CYTH3: variants seen among roughly 807,000 people sequenced by gnomAD.
CYTH3 encodes the protein cytohesin-3.
Under a neutral mutation model 55.1 loss-of-function variants are expected in CYTH3, and 23 were observed. The observed-to-expected ratio is 0.42, with a 90% confidence interval of 0.30 to 0.59. CYTH3 has a LOEUF of 0.59. CYTH3 is among the 20% of genes least tolerant of loss of function. The pLI, the probability that CYTH3 is intolerant of heterozygous loss-of-function variation, is 0.20. For synonymous variants in CYTH3, 249 were observed against 194.9 expected (o/e 1.28, Z -2.31); for missense variants, 413 against 524.8 (o/e 0.79, Z 2.08).
intron 1 of CYTH3, among the ~76,000 whole-genome samples, chr7:6,246,289 C>T (rs1252642003): frequency 2.6e-5 from 4 of 151,212 alleles, no homozygotes; most frequent in Non-Finnish European, 5.9e-5. Flanking sequence ...AGGCTGGTGG[C>T]GAACTCCTGC....
chr7:6,202,010 A>G (rs1459366339), intron 1 of CYTH3, among the ~76,000 whole-genome samples: 2 of 152,240 alleles, frequency 1.3e-5, no homozygotes, highest in African/African-American at 4.8e-5. Flanking sequence ...ACCATGGTAG[A>G]CAGAAAAACA....
At chr7:6,251,419 T>C (rs1583197650) in intron 1 of CYTH3, among the ~76,000 whole-genome samples, 1 of 151,628 alleles carries the variant, frequency 6.6e-6, no homozygotes, top group South Asian at 2.1e-4. Flanking sequence ...TACAAAAGCG[T>C]TTCTTTCAGT....
chr7:6,190,385 TACTATTTTACTCAAAAGCAAAAAACAGA>T, intron 2 of CYTH3, 36 bp downstream of exon 2: 1 of 1,212,282 alleles, frequency 8.2e-7, no homozygotes, highest in Non-Finnish European at 1.1e-6. Context: ...GCTACTCTTT[TACTATTTTACTCAAAAGCAAAAAACAGA>T]GTTTTGGATT....
At chr7:6,216,756 T>C (rs890235735) in intron 1 of CYTH3, among the ~76,000 whole-genome samples, 2 of 150,870 alleles carry the variant, frequency 1.3e-5, no homozygotes, top group African/African-American at 2.4e-5. Flanking sequence ...AATGTGTGTA[T>C]GTGTATATAC....
intron 6 of CYTH3, chr7:6,172,802 G>C: frequency 7.8e-7 from 1 of 1,281,528 alleles, no homozygotes; most frequent in Non-Finnish European, 1.0e-6. Context: ...GCGGCTGCAG[G>C]ATTCTTATAT....
At chr7:6,217,018 T>C (rs1418375127) in intron 1 of CYTH3, among the ~76,000 whole-genome samples, 2 of 152,092 alleles carry the variant, frequency 1.3e-5, no homozygotes, top group South Asian at 4.1e-4. Flanking sequence ...GTTCAAGTGA[T>C]TCTCCTGCCT....
At chr7:6,172,570 G>A (rs1006908071) in intron 6 of CYTH3, among the ~76,000 whole-genome samples, 13 of 152,244 alleles carry the variant, frequency 8.5e-5, no homozygotes, top group African/African-American at 2.4e-4. Context: ...CTGTATTCCC[G>A]CCCATCCTGT....
Position 6,171,099 on chromosome 7 carries a change from C to A in CYTH3, c.562+103G>T, listed in dbSNP as rs1247220859. ...ACAGGTCGTCCTCGCTCAGGGAAGG[C>A]AGGTCCCCAGGAACACACGCTGGGC... is the stretch of plus-strand genomic sequence containing the variant. On this transcript the variant is annotated intron_variant, in intron 7 of 12. Transcript: ENST00000350796. The surrounding 1 kb of genome is among the most constrained non-coding windows in gnomAD (Gnocchi z 6.7). 7 of 1,581,780 alleles carry A rather than the reference C, an allele frequency of 4.4e-6. No homozygotes were observed. The highest frequency in any genetic ancestry group is 1.3e-5 in the African/African-American group (1 of 74,130).
intron 1 of CYTH3, among the ~76,000 whole-genome samples, chr7:6,227,394 CAT>C (rs1230617242): frequency 6.6e-6 from 1 of 151,538 alleles, no homozygotes; most frequent in Non-Finnish European, 1.5e-5. Flanking sequence ...TAATGAAAAA[CAT>C]ATGTTCATCT....
At chr7:6,250,169 C>T (rs1779925901) in intron 1 of CYTH3, among the ~76,000 whole-genome samples, 1 of 152,094 alleles carries the variant, frequency 6.6e-6, no homozygotes, top group Non-Finnish European at 1.5e-5. Flanking sequence ...GTATGGCTCC[C>T]TTGGGGAATT....
intron 1 of CYTH3, among the ~76,000 whole-genome samples, chr7:6,206,746 C>A (rs1426161648): frequency 6.6e-6 from 1 of 152,136 alleles, no homozygotes; most frequent in African/African-American, 2.4e-5. Context: ...CCAATGCTAA[C>A]TGCCCTAGGA....
At chr7:6,207,949 T>TG (rs1257131371) in intron 1 of CYTH3, among the ~76,000 whole-genome samples, 4 of 134,646 alleles carry the variant, frequency 3.0e-5, no homozygotes, top group East Asian at 2.3e-4. Context: ...GACCCTGTCT[T>TG]GGGGGGGTGG....
At chr7:6,272,410 G>GGGGGGGGGGGGGGGGGGCC in intron 1 of CYTH3, 64 bp downstream of exon 1, 1 of 1,216,618 alleles carries the variant, frequency 8.2e-7, no homozygotes, top group Non-Finnish European at 1.1e-6. Context: ...CCGCGCCCTC[G>GGGGGGGGGGGGGGGGGGCC]ACCCCCAGCC....
intron 4 of CYTH3, among the ~76,000 whole-genome samples, chr7:6,186,436 G>A (rs187876645): frequency 3.8e-4 from 58 of 152,100 alleles, no homozygotes; most frequent in African/African-American, 1.4e-3. Context: ...CCCTTAGCTC[G>A]GTCTCAAAAA....
At chr7:6,260,899 C>G (rs552089263) in intron 1 of CYTH3, among the ~76,000 whole-genome samples, 32 of 152,276 alleles carry the variant, frequency 2.1e-4, no homozygotes, top group African/African-American at 5.8e-4. Flanking sequence ...CAGCCAACTG[C>G]CTACCTACCA....
chr7:6,173,675 G>A lies in CYTH3; in HGVS notation c.427C>T (p.Leu143Phe). The change falls in exon 6 of 13, where the codon CTC (leucine) becomes TTC (phenylalanine). Residue 143 changes from leucine (L) to phenylalanine (F), a missense_variant. By Grantham distance (22) the Leu-to-Phe change is conservative. This residue lies in a region of CYTH3 where 156 missense variants were observed against 233.1 expected (regional missense o/e 0.67). Coordinates refer to ENST00000350796, the MANE Select transcript of CYTH3 (RefSeq NM_004227.4). ...TACCTTAAGGCTTGTACAAGGTTGA[G>A]ATCAGCAAACTCATGGAGTTCAACA... is the stretch of plus-strand genomic sequence containing the variant. ...AFVELHEFADLNLVQALRQFL... is the reference protein window; with the variant it reads ...AFVELHEFADFNLVQALRQFL... 6.2e-7 allele frequency: 1 copy of A among 1,611,548 alleles called. No individual in the cohort carries two copies. Among genetic ancestry groups the A allele is most frequent in the Non-Finnish European group, 8.5e-7 (1 of 1,177,702 alleles).
At chr7:6,192,644 G>A (rs1250552196) in intron 1 of CYTH3, among the ~76,000 whole-genome samples, 1 of 146,392 alleles carries the variant, frequency 6.8e-6, no homozygotes, top group Non-Finnish European at 1.5e-5. Context: ...TGATTCTCCT[G>A]CCTCAGCCTC....
chr7:6,217,287 A>T (rs1231442968), intron 1 of CYTH3, among the ~76,000 whole-genome samples: 1 of 152,252 alleles, frequency 6.6e-6, no homozygotes, highest in African/African-American at 2.4e-5. Flanking sequence ...AGAATTTAAA[A>T]ATTATACATG....
chr7:6,222,640 G>T (rs538276487), intron 1 of CYTH3, among the ~76,000 whole-genome samples: 1 of 151,740 alleles, frequency 6.6e-6, no homozygotes, highest in African/African-American at 2.4e-5. Context: ...CCAGCTACTC[G>T]GGAGGCTGAG....
Sources: allele counts gnomAD v4.1 joint callset (sites outside exome capture counted in the v4.1 genomes callset), GRCh38; gene constraint gnomAD v4.1.1; regional missense constraint gnomAD v4.1.1; non-coding constraint Gnocchi (gnomAD v3.1); transcripts MANE v1.5; gene names NCBI Gene and HGNC (gene_info 2026-07-23, HGNC 2026-07-21).